TAFA2: variants seen among roughly 807,000 people sequenced by gnomAD.
TAFA2 encodes the protein TAFA chemokine like family member 2.
In TAFA2, 7 loss-of-function variants were observed where a neutral mutation model predicts 18.8. The ratio of observed to expected loss-of-function variants is 0.37; its 90% CI spans 0.21 to 0.70. TAFA2 has a LOEUF of 0.70. Ranked by LOEUF, TAFA2 falls within the 30% of genes least tolerant of loss-of-function variation. The pLI is 0.53. For synonymous variants in TAFA2, 60 were observed against 54.2 expected (o/e 1.11, Z -0.47); for missense variants, 122 against 158.1 (o/e 0.77, Z 1.23).
intron 4 of TAFA2, among the ~76,000 whole-genome samples, chr12:61,728,201 GT>G (rs2120637245): frequency 6.6e-6 from 1 of 152,124 alleles, no homozygotes; most frequent in East Asian, 1.9e-4. Flanking sequence ...ATATTGTGCA[GT>G]TTTTGGATAG....
chr12:62,243,484 T>C (rs757975243), intron 1 of TAFA2, among the ~76,000 whole-genome samples: 1 of 152,188 alleles, frequency 6.6e-6, no homozygotes, highest in Non-Finnish European at 1.5e-5. Context: ...TACATACTCA[T>C]GACTATTTGT....
chr12:62,058,829 T>A (rs1473330448), intron 1 of TAFA2, among the ~76,000 whole-genome samples: 4 of 152,016 alleles, frequency 2.6e-5, no homozygotes, highest in Non-Finnish European at 5.9e-5. Flanking sequence ...TGAGTGCGGG[T>A]GCAATGGCTC....
intron 2 of TAFA2, among the ~76,000 whole-genome samples, chr12:61,821,403 G>T (rs1010349955): frequency 6.6e-6 from 1 of 151,956 alleles, no homozygotes; most frequent in African/African-American, 2.4e-5. Flanking sequence ...TTAAATAAAA[G>T]TTCTCTTCCA....
chr12:62,014,993 A>G (rs981250889), intron 1 of TAFA2, among the ~76,000 whole-genome samples: 1 of 152,306 alleles, frequency 6.6e-6, no homozygotes, highest in East Asian at 1.9e-4. Context: ...TAATTAAACC[A>G]AAACTGTTTT....
intron 1 of TAFA2, among the ~76,000 whole-genome samples, chr12:62,072,883 T>C: frequency 6.6e-6 from 1 of 152,240 alleles, no homozygotes; most frequent in Non-Finnish European, 1.5e-5. Flanking sequence ...CCTGATCAAC[T>C]GAAAAAGTTT....
chr12:62,207,765 C>G lies in TAFA2; in HGVS notation c.-130+50998G>C, dbSNP rs371578222. On this transcript the variant is annotated intron_variant, in intron 1 of 5. Coordinates refer to the TAFA2 transcript ENST00000551619. ...GCCCTAGACTCCAGAAGTCCCAGCT[C>G]TTCATGATCAACTCATCTGAGTTAC... Among the ~76,000 whole-genome samples, 4 of 152,180 alleles carry G rather than the reference C, an allele frequency of 2.6e-5. No individual in the cohort carries two copies. In the East Asian group the frequency reaches 7.7e-4, roughly 29 times the overall value.
intron 1 of TAFA2, chr12:62,234,853 A>G (rs1229274528): frequency 3.8e-6 from 4 of 1,052,448 alleles, no homozygotes; most frequent in Non-Finnish European, 5.9e-6. Flanking sequence ...TCCTAAAACC[A>G]GCAATGACTG....
chr12:61,856,614 C>T (rs1873895554), intron 2 of TAFA2, among the ~76,000 whole-genome samples: 1 of 151,930 alleles, frequency 6.6e-6, no homozygotes, highest in Non-Finnish European at 1.5e-5. Flanking sequence ...AATAAATTAA[C>T]ATTCTATGAA....
chr12:61,929,263 G>T (rs1290593100), intron 1 of TAFA2, among the ~76,000 whole-genome samples: 1 of 151,552 alleles, frequency 6.6e-6, no homozygotes, highest in Non-Finnish European at 1.5e-5. Flanking sequence ...GTGTTGGCCA[G>T]CAGAAATGTT....
intron 1 of TAFA2, among the ~76,000 whole-genome samples, chr12:62,244,917 T>C (rs921589363): frequency 6.6e-6 from 1 of 152,200 alleles, no homozygotes; most frequent in Non-Finnish European, 1.5e-5. Context: ...TTACAATTTG[T>C]AGTAATTCCA....
intron 4 of TAFA2, among the ~76,000 whole-genome samples, chr12:61,712,949 C>T (rs980150661): frequency 9.9e-5 from 15 of 152,040 alleles, no homozygotes; most frequent in African/African-American, 3.6e-4. Flanking sequence ...GCTTTGTCAA[C>T]CCTGACCAAC....
At chr12:61,981,240 G>A (rs1415074353) in intron 1 of TAFA2, among the ~76,000 whole-genome samples, 1 of 152,066 alleles carries the variant, frequency 6.6e-6, no homozygotes, top group Non-Finnish European at 1.5e-5. Context: ...ATGGTGCTGG[G>A]AAACTGGCTA....
rs564901902 is a variant in TAFA2 at position 61,858,309 on chromosome 12, C to T, written c.106+9011G>A. Among the ~76,000 whole-genome samples, 7 of 152,222 alleles carry T rather than the reference C, an allele frequency of 4.6e-5. No individual in the cohort carries two copies. The South Asian group carries it at 1.2e-3, about 27-fold the overall frequency. ...TCACCAATTTCCTGTTTTAAACTGC[C>T]CTACCACGATTGCAATTTTCCTGAC... is the stretch of plus-strand genomic sequence containing the variant. On this transcript the variant is annotated intron_variant, in intron 2 of 4. Coordinates refer to ENST00000416284, the MANE Select transcript of TAFA2 (RefSeq NM_178539.5).
At position 62,071,370 on chromosome 12, in the gene TAFA2, T is replaced by C. The variant is rs74096198; in HGVS notation, c.-2+119889A>G. Among the ~76,000 whole-genome samples the C allele has an allele frequency of 3.1e-3, 470 of 152,232 alleles. 3 individuals are homozygous for C. The highest frequency in any genetic ancestry group is 0.011 in the African/African-American group (460 of 41,536). On this transcript the variant is annotated intron_variant, in intron 1 of 4. Transcript: ENST00000416284. ...CAAAGAGGAGACAGGTGAATGATCA[T>C]GTAGGACTTTGTAAGCCTGAGTAAG... is the stretch of plus-strand genomic sequence containing the variant.
rs145565641 is a variant in TAFA2 at position 62,150,853 on chromosome 12, G to A, written c.-2+40406C>T. Among the ~76,000 whole-genome samples the A allele has an allele frequency of 5.9e-5, 9 of 151,340 alleles. No individual in the cohort carries two copies. The East Asian group carries it at 1.8e-3, about 30-fold the overall frequency. ...CCCAGGAGACGGAGGTTGTGCTACT[G>A]CACTTCAGCCTGGGCAACACAGTGA... On this transcript the variant is annotated intron_variant, in intron 1 of 4. Transcript: ENST00000416284.
chr12:61,777,415 T>C (rs1592381836), intron 2 of TAFA2, among the ~76,000 whole-genome samples: 5 of 151,892 alleles, frequency 3.3e-5, no homozygotes, highest in African/African-American at 1.2e-4. Flanking sequence ...GCTATTATTA[T>C]TATCATTATT....
intron 4 of TAFA2, among the ~76,000 whole-genome samples, chr12:61,713,348 G>C (rs1869501601): frequency 6.6e-6 from 1 of 152,086 alleles, no homozygotes. Context: ...GTCTGTGCTG[G>C]AGTCTCTGAG....
rs1219861920 is a variant in TAFA2, at chr12:62,147,326, GTATATATATATA to G, written c.-2+43921_-2+43932del. On this transcript the variant is annotated intron_variant, in intron 1 of 4. Coordinates refer to ENST00000416284, the MANE Select transcript of TAFA2 (RefSeq NM_178539.5). Reference sequence around the variant, plus strand: ...TGCATGTGTGTGTGTGTGTATGTATGTATATATATATATATATATATATATATATATATATAT... The same window carrying G: ...TGCATGTGTGTGTGTGTGTATGTATGTATATATATATATATATATATATAT... Among the ~76,000 whole-genome samples, 14 of 19,552 alleles carry G rather than the reference GTATATATATATA, an allele frequency of 7.2e-4. 1 individual carries two copies. The highest frequency in any genetic ancestry group is 1.7e-3 in the African/African-American group (14 of 8,034). 12.8% of individuals were successfully genotyped at this position (19,552 alleles called of 152,430 possible).
chr12:61,972,306 A>C (rs1592522811), intron 1 of TAFA2, among the ~76,000 whole-genome samples: 1 of 426 alleles, frequency 2.3e-3, no homozygotes, highest in Admixed American at 0.083. Context: ...GTTGAACCTT[A>C]AAAAAAAAAA....
Sources: gnomAD v4.1 joint callset for allele counts (sites outside exome capture counted in the v4.1 genomes callset) on GRCh38, gnomAD v4.1.1 for gene constraint, MANE v1.5 for transcripts, NCBI Gene and HGNC (gene_info 2026-07-23, HGNC 2026-07-21) for gene names.